Variants in CAMSAP2 observed in about 807,000 individuals in gnomAD.
CAMSAP2 encodes calmodulin regulated spectrin associated protein family member 2, also known as calmodulin-regulated spectrin-associated protein 2.
Under a neutral mutation model 146.1 loss-of-function variants are expected in CAMSAP2, and 26 were observed. The ratio of observed to expected loss-of-function variants is 0.18; its 90% confidence interval spans 0.13 to 0.25. The LOEUF is 0.25. Among genes scored for constraint, CAMSAP2 ranks in the 10% least tolerant of loss-of-function variants. CAMSAP2 has a pLI of 1.00. For synonymous variants in CAMSAP2, 499 were observed against 596.6 expected, an observed-to-expected ratio of 0.84 and a Z score of 2.38; for missense variants, 1,381 against 1,759.3, an observed-to-expected ratio of 0.78 and a Z score of 3.85.
chr1:200,849,948 A>T lies in CAMSAP2; in HGVS notation c.3179A>T (p.Lys1060Met). The T allele has an allele frequency of 6.2e-7, 1 of 1,614,150 alleles. No individual in the cohort carries two copies. The highest frequency in any genetic ancestry group is 8.5e-7 in the Non-Finnish European group (1 of 1,180,024). ...LEQRGHNPEE[K>M]EIKPFESTVS... ...CAGCGTGGACATAATCCAGAAGAAA[A>T]GGAAATCAAACCTTTTGAGTCAACA... Residue 1060 changes from lysine to methionine, a missense_variant, in exon 11 of 17, where the codon AAG (lysine) becomes ATG (methionine). Lys to Met is a moderately conservative substitution (Grantham distance 95). Coordinates refer to ENST00000358823, the MANE Select transcript of CAMSAP2 (RefSeq NM_203459.4). This position sits in a 1 kb window ranked among gnomAD's most constrained non-coding sequence, Gnocchi z 6.3.
In CAMSAP2 at chr1:200,805,324, T is replaced by C. The variant is rs141961088; in HGVS notation, c.400-2052T>C. Among the ~76,000 whole-genome samples, 577 of 152,352 alleles carry C rather than the reference T, an allele frequency of 3.8e-3. 3 individuals are homozygous for C. The highest frequency in any genetic ancestry group is 6.5e-3 in the Non-Finnish European group (439 of 68,026). On this transcript the variant is annotated intron_variant, in intron 2 of 16. Transcript: ENST00000358823. Reference sequence around the variant, plus strand: ...CAGAGTAACCCAGCTCTTGAGTCTTTATAGTAACCAAAAGGCTAGCTTCTT... The same window carrying C: ...CAGAGTAACCCAGCTCTTGAGTCTTCATAGTAACCAAAAGGCTAGCTTCTT...
At chr1:200,750,820 G>A (rs1482304108) in intron 1 of CAMSAP2, among the ~76,000 whole-genome samples, 1 of 149,944 alleles carries the variant, frequency 6.7e-6, no homozygotes, top group Non-Finnish European at 1.5e-5. Context: ...TAGAGACCGG[G>A]TTTCATGATG....
At chr1:200,817,274 A>ATGTGTGTGTG (rs1666627119) in intron 4 of CAMSAP2, among the ~76,000 whole-genome samples, 1 of 149,380 alleles carries the variant, frequency 6.7e-6, no homozygotes, top group African/African-American at 2.5e-5. Context: ...ACACACATAT[A>ATGTGTGTGTG]TATATATTTT....
In CAMSAP2 at chr1:200,784,427, C is replaced by T. The variant is rs144668474; in HGVS notation, c.400-22949C>T. ...CCAGTGAAAACATGGTTTCTCTTCT[C>T]ATTTAAGTATTCTTTAATTTATTTC... is the stretch of plus-strand genomic sequence containing the variant. On this transcript the variant is annotated intron_variant, in intron 2 of 16. Coordinates refer to ENST00000358823, the MANE Select transcript of CAMSAP2 (RefSeq NM_203459.4). Among the ~76,000 whole-genome samples, 1,410 of 152,172 alleles carry T rather than the reference C, an allele frequency of 9.3e-3. 39 individuals carry two copies. The highest frequency in any genetic ancestry group is 0.053 in the Admixed American group (813 of 15,280).
intron 2 of CAMSAP2, among the ~76,000 whole-genome samples, chr1:200,767,487 T>C (rs1664987418): frequency 6.6e-6 from 1 of 151,812 alleles, no homozygotes; most frequent in Non-Finnish European, 1.5e-5. Flanking sequence ...CTTTTTTTTT[T>C]TTTTTTTTAA....
At chr1:200,852,800 C>A in intron 12 of CAMSAP2, 123 bp downstream of exon 12, 1 of 1,070,034 alleles carries the variant, frequency 9.3e-7, no homozygotes, top group Non-Finnish European at 1.3e-6. Context: ...AGATTTCTTT[C>A]AGAGAAGTTT....
intron 2 of CAMSAP2, among the ~76,000 whole-genome samples, chr1:200,773,887 AAAAAT>A (rs201163114): frequency 0.14 from 19,337 of 133,968 alleles, 1,429 homozygotes; most frequent in South Asian, 0.18. Context: ...CTCTGTCTCA[AAAAAT>A]AAAATAAAAT....
chr1:200,793,393 T>G (rs1218206999), intron 2 of CAMSAP2, among the ~76,000 whole-genome samples: 1 of 152,194 alleles, frequency 6.6e-6, no homozygotes, highest in Non-Finnish European at 1.5e-5. Flanking sequence ...TATTAGTATA[T>G]ATGTTAATTT....
Position 200,848,234 on chromosome 1 carries a change from G to A in CAMSAP2, c.1465G>A (p.Glu489Lys). ...AGAGGAAGCAGAGAGCATTGAAGAA[G>A]AACTTAATATAGATTCTCACAGTGA... ...GEEEAESIEE[E>K]LNIDSHSDLK... The change falls in exon 11 of 17, where the codon GAA (glutamate) becomes AAA (lysine). Residue 489 changes from glutamate to lysine, a missense_variant. Glu to Lys is a moderately conservative substitution (Grantham distance 56). Around this residue, in one of 4 missense-constraint regions of CAMSAP2, gnomAD observed 447 missense variants for 462.2 expected, o/e 0.97. Coordinates refer to ENST00000358823, the MANE Select transcript of CAMSAP2 (RefSeq NM_203459.4). 11 of 1,613,712 alleles carry A rather than the reference G, an allele frequency of 6.8e-6. No individual in the cohort carries two copies. The highest frequency in any genetic ancestry group is 9.3e-6 in the Non-Finnish European group (11 of 1,179,816).
At chr1:200,834,328 A>G (rs190095848) in intron 6 of CAMSAP2, among the ~76,000 whole-genome samples, 103 of 152,250 alleles carry the variant, frequency 6.8e-4, no homozygotes, top group African/African-American at 2.2e-3. Context: ...GCACCACTGC[A>G]TTCCAGCCTG....
intron 6 of CAMSAP2, among the ~76,000 whole-genome samples, chr1:200,835,065 C>T (rs569067403): frequency 6.6e-6 from 1 of 152,300 alleles, no homozygotes; most frequent in East Asian, 1.9e-4. Flanking sequence ...AGGCAACCCC[C>T]ATGTATGCAG....
chr1:200,846,032 AATCT>A (rs1667452291), intron 8 of CAMSAP2, among the ~76,000 whole-genome samples: 1 of 152,176 alleles, frequency 6.6e-6, no homozygotes, highest in African/African-American at 2.4e-5. Flanking sequence ...TGGACTCCCT[AATCT>A]ATCTGATTTT....
chr1:200,803,065 T>C (rs996514312), intron 2 of CAMSAP2, among the ~76,000 whole-genome samples: 2 of 152,206 alleles, frequency 1.3e-5, no homozygotes, highest in African/African-American at 4.8e-5. Context: ...GATGTCATGC[T>C]ATGCTCTGCC....
At position 200,852,303 on chromosome 1, in the gene CAMSAP2, T is replaced by A. The variant is rs543448595; in HGVS notation, c.3466-238T>A. ...TTTTTATGGTTGTTCTTTGCAAATC[T>A]CATAGGTTTTGACAGAGTGTAATTA... On this transcript the variant is annotated intron_variant, in intron 11 of 16. Coordinates refer to ENST00000358823, the MANE Select transcript of CAMSAP2 (RefSeq NM_203459.4). Among the ~76,000 whole-genome samples, 9 of 152,320 alleles carry A rather than the reference T, an allele frequency of 5.9e-5. No homozygotes were observed. The East Asian group carries it at 1.5e-3, about 26-fold the overall frequency.
chr1:200,748,165 A>G (rs945367092), intron 1 of CAMSAP2, among the ~76,000 whole-genome samples: 1 of 152,138 alleles, frequency 6.6e-6, no homozygotes, highest in African/African-American at 2.4e-5. Context: ...AATAACAATA[A>G]TCTTTCATGT....
At chr1:200,783,651 T>TA (rs775012461) in intron 2 of CAMSAP2, among the ~76,000 whole-genome samples, 3 of 151,090 alleles carry the variant, frequency 2.0e-5, no homozygotes, top group South Asian at 2.1e-4. Context: ...CCTGGCTAAT[T>TA]AAAAAAAAAA....
At chr1:200,740,719 G>C (rs138644030) in intron 1 of CAMSAP2, among the ~76,000 whole-genome samples, 1 of 152,134 alleles carries the variant, frequency 6.6e-6, no homozygotes, top group African/African-American at 2.4e-5. Context: ...CACAGAAATT[G>C]TATAGTACAG....
At chr1:200,745,348 C>T (rs184981731) in intron 1 of CAMSAP2, among the ~76,000 whole-genome samples, 16 of 152,070 alleles carry the variant, frequency 1.1e-4, no homozygotes, top group African/African-American at 3.9e-4. Context: ...TTGAGAATCA[C>T]TGCTATAAAT....
At chr1:200,810,761 C>T (rs532170054) in intron 3 of CAMSAP2, among the ~76,000 whole-genome samples, 16 of 145,134 alleles carry the variant, frequency 1.1e-4, no homozygotes, top group Non-Finnish European at 7.6e-5. Flanking sequence ...TGGTGGCACG[C>T]GCCTGTAGTC....
Sources: allele counts gnomAD v4.1 joint callset (sites outside exome capture counted in the v4.1 genomes callset), GRCh38; gene constraint gnomAD v4.1.1; regional missense constraint gnomAD v4.1.1; non-coding constraint Gnocchi (gnomAD v3.1); transcripts MANE v1.5; gene names NCBI Gene and HGNC (gene_info 2026-07-23, HGNC 2026-07-21).